ELP1: variants seen among roughly 807,000 people sequenced by gnomAD.
The protein encoded by ELP1 is elongator complex protein 1.
In ELP1, 131 loss-of-function variants were observed where a neutral mutation model predicts 183.2. The observed-to-expected ratio is 0.72, with a 90% CI of 0.62 to 0.83. The LOEUF (loss-of-function observed/expected upper bound fraction) is 0.83. ELP1 is among the 40% of genes least tolerant of loss of function. ELP1 has a pLI of 0.00. For synonymous variants in ELP1, 555 were observed against 569.0 expected (o/e 0.98, Z 0.35); for missense variants, 1,550 against 1,594.9 (o/e 0.97, Z 0.48).
At position 108,896,943 on chromosome 9, in the gene ELP1, G is replaced by A. The variant is rs771045250; in HGVS notation, c.2587+10C>T. On this transcript the variant is annotated intron_variant, in intron 24 of 36. Transcript: ENST00000374647. ...CACCTTAAGCACTTTCTCTGTGAGC[G>A]GATCTCTACCTTGAAGCTCGTGTAC... The A allele has an allele frequency of 1.9e-5, 31 of 1,611,518 alleles. No homozygotes were observed. The East Asian group carries it at 2.2e-4, about 12-fold the overall frequency.
intron 14 of ELP1, among the ~76,000 whole-genome samples, chr9:108,906,074 G>C (rs1829007277): frequency 6.6e-6 from 1 of 152,088 alleles, no homozygotes; most frequent in Non-Finnish European, 1.5e-5. Context: ...TTAAAAAGTT[G>C]CTTCATCTAC....
At chr9:108,891,426 G>T (rs750978106) in intron 27 of ELP1, 22 bp from the exon 28 acceptor site, 5 of 1,601,970 alleles carry the variant, frequency 3.1e-6, no homozygotes, top group Non-Finnish European at 4.3e-6. Context: ...GGAGATTTAG[G>T]ACTGAGGAGG....
chr9:108,909,441 C>T (rs765192989), intron 12 of ELP1, among the ~76,000 whole-genome samples: 9 of 152,140 alleles, frequency 5.9e-5, no homozygotes, highest in Non-Finnish European at 1.0e-4. Context: ...ACTTTGGCAA[C>T]GAACTTGTCT....
chr9:108,896,890 C>T, intron 24 of ELP1, 63 bp downstream of exon 24: 1 of 1,393,102 alleles, frequency 7.2e-7, no homozygotes, highest in Non-Finnish European at 1.0e-6. Context: ...GTGATTGTCA[C>T]CTGCAGAAGA....
At chr9:108,913,779 T>C (rs1330830263) in intron 10 of ELP1, among the ~76,000 whole-genome samples, 1 of 152,140 alleles carries the variant, frequency 6.6e-6, no homozygotes, top group Non-Finnish European at 1.5e-5. Flanking sequence ...CCCGAGTAGC[T>C]AGGACTACAG....
intron 31 of ELP1, among the ~76,000 whole-genome samples, chr9:108,880,798 A>T (rs533056891): frequency 1.6e-4 from 25 of 152,336 alleles, no homozygotes; most frequent in African/African-American, 5.8e-4. Context: ...ATGAGGAATG[A>T]TGTTTTCAGT....
At chr9:108,902,802 C>A in intron 16 of ELP1, 37 bp downstream of exon 16, 1 of 1,499,094 alleles carries the variant, frequency 6.7e-7, no homozygotes, top group Non-Finnish European at 9.3e-7. Context: ...CCCTGGGTAA[C>A]TACTTTAAGT....
intron 29 of ELP1, among the ~76,000 whole-genome samples, chr9:108,882,594 C>CTT (rs534835923): frequency 0.023 from 3,105 of 136,576 alleles, 64 homozygotes; most frequent in African/African-American, 0.042. Flanking sequence ...TTTTTTTGTT[C>CTT]TTTTTTTTTT....
At chr9:108,896,899 G>T in intron 24 of ELP1, 54 bp downstream of exon 24, 1 of 1,436,582 alleles carries the variant, frequency 7.0e-7, no homozygotes, top group South Asian at 1.1e-5. Context: ...ACCTGCAGAA[G>T]ACTAGTAGCA....
rs1320846973 is a variant in ELP1, at chr9:108,916,726, G to GTA, written c.865-431_865-430dup. Among the ~76,000 whole-genome samples, 11 of 152,262 alleles carry GTA rather than the reference G, an allele frequency of 7.2e-5. No individual in the cohort carries two copies. In the East Asian group the frequency reaches 2.1e-3, roughly 29 times the overall value. On this transcript the variant is annotated intron_variant, in intron 9 of 36. Transcript: ENST00000374647. Reference sequence around the variant, plus strand: ...CTCCAGGAAATAAAAATATATGTAAGTATATATATGTATAGGCCAAAGAGT... The same window carrying GTA: ...CTCCAGGAAATAAAAATATATGTAAGTATATATATATGTATAGGCCAAAGAGT...
intron 36 of ELP1, among the ~76,000 whole-genome samples, chr9:108,871,495 C>T (rs955743496): frequency 9.2e-5 from 14 of 152,206 alleles, no homozygotes; most frequent in Admixed American, 9.2e-4. Flanking sequence ...TTGTATGGTA[C>T]AACCAAAAGC....
chr9:108,915,664 C>T (rs1384705776), intron 10 of ELP1, among the ~76,000 whole-genome samples: 2 of 151,988 alleles, frequency 1.3e-5, no homozygotes, highest in Non-Finnish European at 2.9e-5. Context: ...TCCCTCCCGC[C>T]CCACCCTATT....
chr9:108,918,955 G>A (rs1829547763), intron 7 of ELP1, 54 bp from the exon 8 acceptor site: 1 of 1,359,884 alleles, frequency 7.4e-7, no homozygotes, highest in Non-Finnish European at 1.1e-6. Context: ...TATGATAAAA[G>A]TTGTCAATTC....
In ELP1 at chr9:108,896,408, A is replaced by G. The variant is rs1828548519; in HGVS notation, c.2736+88T>C. 3 of 1,243,178 alleles carry G rather than the reference A, an allele frequency of 2.4e-6. No individual in the cohort carries two copies. In the South Asian group the frequency reaches 3.7e-5, roughly 15 times the overall value. 77.0% of individuals were successfully genotyped at this position (1,243,178 alleles called of 1,614,324 possible). On this transcript the variant is annotated intron_variant, in intron 25 of 36. Coordinates refer to ENST00000374647, the MANE Select transcript of ELP1 (RefSeq NM_003640.5). ...CCCTGCACTCACAGAGTGATAGCAG[A>G]AAAGCTACTGCACTACCAGAAGCAG...
chr9:108,929,438 A>G (rs1829924821), intron 3 of ELP1, among the ~76,000 whole-genome samples: 1 of 152,190 alleles, frequency 6.6e-6, no homozygotes, highest in Non-Finnish European at 1.5e-5. Flanking sequence ...AAATTGAGAA[A>G]CAAAGGTTGC....
chr9:108,911,564 G>A (rs2297579), intron 11 of ELP1, among the ~76,000 whole-genome samples: 20,592 of 152,082 alleles, frequency 0.14, 1,811 homozygotes, highest in African/African-American at 0.25. Context: ...TGGTAATAAC[G>A]CAGATCTGAT....
intron 33 of ELP1, 114 bp from the exon 34 acceptor site, chr9:108,878,864 A>G (rs1827804160): frequency 9.2e-7 from 1 of 1,089,440 alleles, no homozygotes; most frequent in Admixed American, 1.9e-5. Flanking sequence ...ACAACTTCAC[A>G]GATCTCCATT....
chr9:108,869,156 T>A lies in ELP1; in HGVS notation c.3958A>T (p.Ile1320Phe). ...AGCTTCCACTGGGTTCTTCTGTTGATCTTTGGTGGTATAAAAAGCTCAGCA... is the reference window on the plus strand; with the variant it reads ...AGCTTCCACTGGGTTCTTCTGTTGAACTTTGGTGGTATAAAAAGCTCAGCA... ...LDAELFIPPK[I>F]NRRTQWKLSL... Residue 1320 changes from isoleucine to phenylalanine, a missense_variant, in exon 37 of 37, where the codon ATC (isoleucine) becomes TTC (phenylalanine). Ile to Phe is a conservative substitution (Grantham distance 21, BLOSUM62 0). Transcript: ENST00000374647. The A allele has an allele frequency of 6.2e-7, 1 of 1,614,140 alleles. No individual in the cohort carries two copies. The highest frequency in any genetic ancestry group is 1.1e-5 in the South Asian group (1 of 91,074).
chr9:108,875,986 C>T (rs1204155409), intron 35 of ELP1, among the ~76,000 whole-genome samples: 2 of 151,992 alleles, frequency 1.3e-5, no homozygotes, highest in Non-Finnish European at 2.9e-5. Context: ...AAATTATTAT[C>T]TTCAAGCCGG....
Sources: gnomAD v4.1 joint callset for allele counts (sites outside exome capture counted in the v4.1 genomes callset) on GRCh38, gnomAD v4.1.1 for gene constraint, MANE v1.5 for transcripts, NCBI Gene and HGNC (gene_info 2026-07-23, HGNC 2026-07-21) for gene names.